The following XXYLT1 variants were observed in gnomAD, a reference collection of about 807,000 sequenced individuals.
XXYLT1 encodes UDP-xylose:alpha-xyloside alpha-1,3-xylosyltransferase.
XXYLT1 carries 20 observed loss-of-function variants against 28.9 expected under a neutral mutation model. That is an observed-to-expected ratio of 0.69 (90% CI 0.49 to 1.00). The LOEUF (loss-of-function observed/expected upper bound fraction) is 1.00. XXYLT1 is among the 50% of genes least tolerant of loss of function. XXYLT1 has a pLI of 0.00. For missense variants in XXYLT1, 542 were observed against 560.1 expected (o/e 0.97, Z 0.33); for synonymous variants, 257 against 253.8 (o/e 1.01, Z -0.12).
At chr3:195,228,486 C>CTTTTT (rs897820464) in intron 1 of XXYLT1, among the ~76,000 whole-genome samples, 9 of 120,178 alleles carry the variant, frequency 7.5e-5, no homozygotes, top group East Asian at 2.5e-4. Flanking sequence ...CTATATTTCA[C>CTTTTT]TTTTTTTTTT....
chr3:195,069,979 G>A lies in XXYLT1; in HGVS notation c.918C>T (p.Tyr306=), dbSNP rs756272933. The change falls in exon 4 of 4, where the codon TAC becomes TAT. Residue 306 remains tyrosine (Y), a synonymous_variant. Transcript: ENST00000310380. ...CCTGCGCCGGCTCCAGCAGGCGGCT[G>A]TAGAGCGGGGACTGGCGCATGGCCT... ...NLEAMRQSPL[Y]SRLLEPAQVQ... is the part of the protein sequence containing the mutation. 5.6e-6 allele frequency: 9 copies of A among 1,610,082 alleles called. No individual in the cohort carries two copies. Among genetic ancestry groups the A allele is most frequent in the Non-Finnish European group, 7.6e-6 (9 of 1,179,814 alleles).
chr3:195,232,908 G>A (rs150812288), intron 1 of XXYLT1, among the ~76,000 whole-genome samples: 4 of 152,288 alleles, frequency 2.6e-5, no homozygotes, highest in African/African-American at 7.2e-5. Context: ...CGTCTATGGT[G>A]CAGATTAAGT....
At chr3:195,107,608 AGG>A (rs1560098415) in intron 3 of XXYLT1, among the ~76,000 whole-genome samples, 532 of 4,950 alleles carry the variant, frequency 0.11, 78 homozygotes, top group African/African-American at 0.29. Flanking sequence ...GGGAGGAGGA[AGG>A]GGAGGAGGAG....
At position 195,080,052 on chromosome 3, in the gene XXYLT1, A is replaced by C. The variant is rs151052542; in HGVS notation, c.786-9941T>G. On this transcript the variant is annotated intron_variant, in intron 3 of 3. Coordinates refer to ENST00000310380, the MANE Select transcript of XXYLT1 (RefSeq NM_152531.5). ...GAGATTCTAAAGCTAGATGGCAGGA[A>C]TTTAGGAGAATGTTGGATGAAGGCA... is the stretch of plus-strand genomic sequence containing the variant. Among the ~76,000 whole-genome samples, 339 of 152,238 alleles carry C rather than the reference A, an allele frequency of 2.2e-3. 1 individual carries two copies. The highest frequency in any genetic ancestry group is 7.1e-3 in the African/African-American group (294 of 41,534).
At position 195,134,060 on chromosome 3, in the gene XXYLT1, A is replaced by G. The variant is rs898880980; in HGVS notation, c.785+22389T>C. Among the ~76,000 whole-genome samples the G allele has an allele frequency of 1.2e-4, 18 of 152,328 alleles. No homozygotes were observed. In the East Asian group the frequency reaches 3.5e-3, roughly 29 times the overall value. The stretch of plus-strand genomic sequence containing the variant: ...GACCCCTGCCAAGTAAAAGACAGAC[A>G]GACAGACAGAAAGAAAGAAAGAAAT... On this transcript the variant is annotated intron_variant, in intron 3 of 3. Coordinates refer to ENST00000310380, the MANE Select transcript of XXYLT1 (RefSeq NM_152531.5).
At chr3:195,224,126 T>G (rs1723947972) in intron 2 of XXYLT1, among the ~76,000 whole-genome samples, 1 of 152,066 alleles carries the variant, frequency 6.6e-6, no homozygotes, top group Non-Finnish European at 1.5e-5. Context: ...ACCACTGCAC[T>G]CCAACCTGGG....
rs965851067 is a variant in XXYLT1, at chr3:195,256,486, G to C, written c.504+14069C>G. On this transcript the variant is annotated intron_variant, in intron 1 of 3. Transcript: ENST00000310380. This position sits in a 1 kb window ranked among gnomAD's most constrained non-coding sequence, Gnocchi z 4.2. ...GTACCTCCCAGAGGACGGAAGGGAA[G>C]TCAGCACGGAAGCCTCACCTAGGGT... is the stretch of plus-strand genomic sequence containing the variant. The C allele has an allele frequency of 1.0e-6, 1 of 985,388 alleles. No homozygotes were observed. Among genetic ancestry groups the C allele is most frequent in the African/African-American group, 1.7e-5 (1 of 57,358 alleles). The allele number at this position is 985,388 out of a possible 1,614,324, so 61.0% of individuals were successfully genotyped here. A position where few individuals can be genotyped will look rare whatever the true frequency, so the allele number is the denominator to read the frequency against.
At position 195,246,423 on chromosome 3, in the gene XXYLT1, C is replaced by G. The variant is rs556781773; in HGVS notation, c.505-19567G>C. Among the ~76,000 whole-genome samples the G allele has an allele frequency of 1.4e-4, 21 of 152,330 alleles. 1 individual carries two copies. Among genetic ancestry groups the G allele is most frequent in the African/African-American group, 4.8e-4 (20 of 41,578 alleles). ...TACAGAGACGAAGACCGTGTAAGCA[C>G]AGCAATACACAGTGTGTCTGTCTTG... On this transcript the variant is annotated intron_variant, in intron 1 of 3. Transcript: ENST00000310380.
intron 1 of XXYLT1, among the ~76,000 whole-genome samples, chr3:195,234,712 AC>A (rs1192771000): frequency 1.3e-5 from 2 of 152,150 alleles, no homozygotes; most frequent in African/African-American, 4.8e-5. Context: ...TAAGGTTCTC[AC>A]CAAAAAGTCT....
intron 3 of XXYLT1, among the ~76,000 whole-genome samples, chr3:195,112,126 T>G (rs6437456): frequency 0.65 from 99,191 of 152,032 alleles, 33,058 homozygotes; most frequent in Middle Eastern, 0.72. Flanking sequence ...TAATTATTCT[T>G]AAAACCCACG....
At chr3:195,241,596 G>A (rs1405202138) in intron 1 of XXYLT1, among the ~76,000 whole-genome samples, 1 of 152,052 alleles carries the variant, frequency 6.6e-6, no homozygotes, top group African/African-American at 2.4e-5. Context: ...ATCTGCTAAC[G>A]GACTAGGAGT....
chr3:195,263,638 C>A (rs1322158635), intron 1 of XXYLT1, among the ~76,000 whole-genome samples: 2 of 152,180 alleles, frequency 1.3e-5, no homozygotes, highest in Non-Finnish European at 2.9e-5. Flanking sequence ...AAATAAATAT[C>A]TTTCCTTTCT....
intron 2 of XXYLT1, among the ~76,000 whole-genome samples, chr3:195,212,402 C>A (rs992851816): frequency 1.3e-5 from 2 of 152,306 alleles, no homozygotes; most frequent in South Asian, 4.1e-4. Context: ...CCTGGTGTGG[C>A]CTTTTGGGGA....
chr3:195,193,680 A>C (rs1722512251), intron 2 of XXYLT1, among the ~76,000 whole-genome samples: 2 of 152,368 alleles, frequency 1.3e-5, no homozygotes, highest in South Asian at 4.1e-4. Flanking sequence ...ATACTGGCAC[A>C]GGAAAGGCTT....
chr3:195,106,974 C>G (rs1338202634), intron 3 of XXYLT1, among the ~76,000 whole-genome samples: 1 of 152,136 alleles, frequency 6.6e-6, no homozygotes, highest in Non-Finnish European at 1.5e-5. Flanking sequence ...AAACGGCTCC[C>G]GGATGGTAAT....
chr3:195,202,499 C>T (rs1426369067), intron 2 of XXYLT1, among the ~76,000 whole-genome samples: 4 of 151,610 alleles, frequency 2.6e-5, no homozygotes, highest in African/African-American at 9.7e-5. Flanking sequence ...CTCAAAACCA[C>T]ATGCTGTCCA....
chr3:195,130,289 G>A (rs1425181365), intron 3 of XXYLT1, among the ~76,000 whole-genome samples: 1 of 152,176 alleles, frequency 6.6e-6, no homozygotes, highest in Admixed American at 6.5e-5. Flanking sequence ...AGCTGGCTTT[G>A]AAGTGACAAT....
At chr3:195,219,372 G>A (rs1424815468) in intron 2 of XXYLT1, among the ~76,000 whole-genome samples, 1 of 152,144 alleles carries the variant, frequency 6.6e-6, no homozygotes, top group African/African-American at 2.4e-5. Context: ...AACTCAATAT[G>A]GCTTTTACTA....
rs117015689 is a variant in XXYLT1, at chr3:195,162,974, G to A, written c.653-6393C>T. ...CCTTTCCATAGTTCACATCTCTCTC[G>A]TGTCTGCTATAAGTTTTTGGTTTTT... On this transcript the variant is annotated intron_variant, in intron 2 of 3. Transcript: ENST00000310380. Among the ~76,000 whole-genome samples, 25 of 151,988 alleles carry A rather than the reference G, an allele frequency of 1.6e-4. No individual in the cohort carries two copies. The East Asian group carries it at 3.3e-3, about 20-fold the overall frequency.
Sources: allele counts gnomAD v4.1 joint callset (sites outside exome capture counted in the v4.1 genomes callset), GRCh38; gene constraint gnomAD v4.1.1; non-coding constraint Gnocchi (gnomAD v3.1); transcripts MANE v1.5; gene names NCBI Gene and HGNC (gene_info 2026-07-23, HGNC 2026-07-21).